Variants in COP1 observed in about 807,000 individuals in gnomAD.
The protein encoded by COP1 is COP1 E3 ubiquitin ligase, also known as E3 ubiquitin-protein ligase COP1.
Under a neutral mutation model 101.3 loss-of-function variants are expected in COP1, and 24 were observed. That is an observed-to-expected ratio of 0.24 (90% CI 0.17 to 0.33). The LOEUF (loss-of-function observed/expected upper bound fraction) is 0.33, where lower values mean the gene tolerates loss of function less well. Among genes scored for constraint, COP1 ranks in the 10% least tolerant of loss-of-function variants. The probability of loss-of-function intolerance (pLI) is 1.00; values close to 1 mark genes in which losing one functional copy is unlikely to be tolerated. For missense variants in COP1, 663 were observed against 906.2 expected, an observed-to-expected ratio of 0.73 and a Z score of 3.45; for synonymous variants, 347 against 341.9, an observed-to-expected ratio of 1.01 and a Z score of -0.17.
intron 18 of COP1, among the ~76,000 whole-genome samples, chr1:175,962,798 T>TA (rs151119881): frequency 0.019 from 2,952 of 152,192 alleles, 51 homozygotes; most frequent in Non-Finnish European, 0.029. Flanking sequence ...CCTTTAATCC[T>TA]ATCTCTTAAC....
At chr1:176,097,827 C>A (rs1024001817) in intron 9 of COP1, among the ~76,000 whole-genome samples, 1 of 147,670 alleles carries the variant, frequency 6.8e-6, no homozygotes, top group African/African-American at 2.5e-5. Flanking sequence ...CGAGATCATG[C>A]CACTGCACTC....
intron 11 of COP1, among the ~76,000 whole-genome samples, chr1:176,056,872 T>C (rs576402992): frequency 6.6e-6 from 1 of 152,342 alleles, no homozygotes; most frequent in South Asian, 2.1e-4. Flanking sequence ...CTTTATTAAT[T>C]ACTACAGAAA....
chr1:176,156,610 C>A (rs970872730), intron 5 of COP1, among the ~76,000 whole-genome samples: 16 of 152,154 alleles, frequency 1.1e-4, no homozygotes, highest in African/African-American at 3.4e-4. Context: ...GAAGACTATA[C>A]CATGGAAACA....
At chr1:176,015,817 A>G (rs1665528808) in intron 15 of COP1, among the ~76,000 whole-genome samples, 1 of 152,164 alleles carries the variant, frequency 6.6e-6, no homozygotes, top group Non-Finnish European at 1.5e-5. Flanking sequence ...TGATGATGAC[A>G]AGAACACTTT....
intron 11 of COP1, among the ~76,000 whole-genome samples, chr1:176,079,219 G>A (rs1369084421): frequency 1.3e-5 from 2 of 152,078 alleles, no homozygotes; most frequent in East Asian, 1.9e-4. Flanking sequence ...TCACAGTAAC[G>A]AAGACATGTA....
At chr1:176,152,564 C>T (rs1334929224) in intron 5 of COP1, among the ~76,000 whole-genome samples, 7 of 152,030 alleles carry the variant, frequency 4.6e-5, no homozygotes, top group African/African-American at 1.2e-4. Context: ...TCTTCTGCCT[C>T]GGCCTCCCAA....
intron 1 of COP1, among the ~76,000 whole-genome samples, chr1:176,205,509 C>T (rs180721467): frequency 4.8e-4 from 73 of 152,306 alleles, no homozygotes; most frequent in Non-Finnish European, 8.4e-4. Context: ...ATCAACTTCC[C>T]TCATAATGAC....
intron 6 of COP1, among the ~76,000 whole-genome samples, chr1:176,146,196 C>A (rs1691562708): frequency 2.0e-5 from 3 of 152,090 alleles, no homozygotes; most frequent in African/African-American, 7.2e-5. Context: ...AATGCTGGTA[C>A]AAATTTGCAC....
intron 12 of COP1, among the ~76,000 whole-genome samples, chr1:176,044,111 G>GTATAGTA: frequency 6.6e-6 from 1 of 152,206 alleles, no homozygotes; most frequent in Non-Finnish European, 1.5e-5. Context: ...AGGAAACGAT[G>GTATAGTA]TCTATCAGTG....
At chr1:176,079,016 G>A (rs1336260250) in intron 11 of COP1, among the ~76,000 whole-genome samples, 1 of 152,098 alleles carries the variant, frequency 6.6e-6, no homozygotes, top group Non-Finnish European at 1.5e-5. Context: ...TGAAGAAAAG[G>A]GAATGCTTAC....
intron 10 of COP1, among the ~76,000 whole-genome samples, chr1:176,084,008 T>G (rs1416849749): frequency 6.6e-6 from 1 of 152,220 alleles, no homozygotes; most frequent in African/African-American, 2.4e-5. Flanking sequence ...AACTGACTTG[T>G]GATGACCTTT....
At chr1:175,959,708 A>G (rs1379525326) in intron 18 of COP1, among the ~76,000 whole-genome samples, 1 of 152,148 alleles carries the variant, frequency 6.6e-6, no homozygotes, top group Non-Finnish European at 1.5e-5. Flanking sequence ...ACTTGAATAG[A>G]TAATATACAC....
At chr1:176,180,768 C>T (rs967736789) in intron 2 of COP1, among the ~76,000 whole-genome samples, 2 of 151,984 alleles carry the variant, frequency 1.3e-5, no homozygotes, top group African/African-American at 4.8e-5. Flanking sequence ...TAAACTATAA[C>T]AAGAACAGCC....
chr1:176,027,325 A>T (rs1196420498), intron 15 of COP1, among the ~76,000 whole-genome samples: 4 of 152,222 alleles, frequency 2.6e-5, no homozygotes, highest in Non-Finnish European at 4.4e-5. Context: ...ATGCATATAA[A>T]CACTAAGAAA....
At chr1:176,072,704 C>T (rs1422709796) in intron 11 of COP1, among the ~76,000 whole-genome samples, 1 of 152,100 alleles carries the variant, frequency 6.6e-6, no homozygotes, top group Non-Finnish European at 1.5e-5. Flanking sequence ...TTAAAAGTTA[C>T]CCTCAATCTG....
chr1:176,156,872 G>A (rs996534608), intron 5 of COP1, among the ~76,000 whole-genome samples: 1 of 152,106 alleles, frequency 6.6e-6, no homozygotes, highest in African/African-American at 2.4e-5. Flanking sequence ...ACACTCGTCA[G>A]CAACTGACAG....
chr1:176,086,680 C>A (rs1680233736), intron 9 of COP1, among the ~76,000 whole-genome samples: 1 of 152,174 alleles, frequency 6.6e-6, no homozygotes. Context: ...AATGGCCATA[C>A]TGCCCAAAGT....
chr1:176,110,910 T>G (rs898559815), intron 9 of COP1, among the ~76,000 whole-genome samples: 3 of 152,154 alleles, frequency 2.0e-5, no homozygotes, highest in Non-Finnish European at 4.4e-5. Context: ...TCCCAGCACT[T>G]TGGGAGGCTG....
intron 1 of COP1, among the ~76,000 whole-genome samples, chr1:176,185,373 C>T (rs1698314352): frequency 6.6e-6 from 1 of 152,166 alleles, no homozygotes; most frequent in Non-Finnish European, 1.5e-5. Flanking sequence ...GGTCTACGTT[C>T]TTAACCACTT....
Sources: allele counts gnomAD v4.1 joint callset (sites outside exome capture counted in the v4.1 genomes callset), GRCh38; gene constraint gnomAD v4.1.1; transcripts MANE v1.5; gene names NCBI Gene and HGNC (gene_info 2026-07-23, HGNC 2026-07-21).